Variants in SPON1 observed in about 807,000 individuals in gnomAD.
The protein encoded by SPON1 is spondin-1.
Under a neutral mutation model 111.7 loss-of-function variants are expected in SPON1, and 52 were observed. That is an observed-to-expected ratio of 0.47 (90% CI 0.37 to 0.59). The LOEUF is 0.59. SPON1 is among the 20% of genes least tolerant of loss of function. SPON1 has a pLI of 0.00. For missense variants in SPON1, 957 were observed against 1,068.5 expected (o/e 0.90, Z 1.46); for synonymous variants, 410 against 395.8 (o/e 1.04, Z -0.43).
In SPON1 at chr11:14,255,007, T is replaced by C. The variant is rs574447438; in HGVS notation, c.1092+278T>C. Among the ~76,000 whole-genome samples the C allele has an allele frequency of 6.6e-5, 10 of 152,320 alleles. No homozygotes were observed. The South Asian group carries it at 2.1e-3, about 32-fold the overall frequency. The stretch of plus-strand genomic sequence containing the variant: ...CCATGACTGCAAGAGCGAAGGTTTC[T>C]GGACAGCTGGGCTAAGGAGTTTGCA... On this transcript the variant is annotated intron_variant, in intron 8 of 15. Transcript: ENST00000576479.
chr11:14,011,585 A>G (rs1246214149), intron 2 of SPON1, among the ~76,000 whole-genome samples: 1 of 152,098 alleles, frequency 6.6e-6, no homozygotes, highest in Non-Finnish European at 1.5e-5. Flanking sequence ...CTGCTAAATT[A>G]AGAATTTCCT....
intron 5 of SPON1, among the ~76,000 whole-genome samples, chr11:14,123,404 C>A (rs545213620): frequency 1.3e-5 from 2 of 152,224 alleles, no homozygotes; most frequent in South Asian, 2.1e-4. Context: ...TCTAGAGTAG[C>A]CTTTACTCTA....
At chr11:14,176,455 T>G (rs1253537434) in intron 6 of SPON1, among the ~76,000 whole-genome samples, 2 of 152,080 alleles carry the variant, frequency 1.3e-5, no homozygotes, top group Non-Finnish European at 2.9e-5. Flanking sequence ...GCAATGAGGC[T>G]ACAGGTATCC....
chr11:14,014,292 T>C (rs761560937), intron 2 of SPON1, among the ~76,000 whole-genome samples: 6 of 152,188 alleles, frequency 3.9e-5, no homozygotes, highest in Non-Finnish European at 8.8e-5. Context: ...GGGGTTGTCA[T>C]AGACCAAGGA....
Position 14,167,853 on chromosome 11 carries a change from T to C in SPON1, c.825+32285T>C, listed in dbSNP as rs561607213. Among the ~76,000 whole-genome samples the C allele has an allele frequency of 3.3e-5, 5 of 152,296 alleles. No individual in the cohort carries two copies. In the East Asian group the frequency reaches 7.7e-4, roughly 23 times the overall value. ...TCTTAAATCTTAGCCACCTTGTTTA[T>C]ACCCACAGAATTTTTTCATAAAATT... On this transcript the variant is annotated intron_variant, in intron 6 of 15. Coordinates refer to ENST00000576479, the MANE Select transcript of SPON1 (RefSeq NM_006108.4).
chr11:14,079,447 C>T (rs1413852516), intron 4 of SPON1, among the ~76,000 whole-genome samples: 1 of 152,106 alleles, frequency 6.6e-6, no homozygotes, highest in Non-Finnish European at 1.5e-5. Flanking sequence ...AAAGTCATTC[C>T]TTCTGGTCCT....
Position 14,259,356 on chromosome 11 carries a change from C to T in SPON1, c.1569C>T (p.Ser523=). The T allele has an allele frequency of 1.2e-6, 2 of 1,611,828 alleles. No individual in the cohort carries two copies. Among genetic ancestry groups the T allele is most frequent in the Non-Finnish European group, 1.7e-6 (2 of 1,179,270 alleles). Residue 523 remains serine, a synonymous_variant, in exon 12 of 16, where the codon TCC becomes TCT. Coordinates refer to ENST00000576479, the MANE Select transcript of SPON1 (RefSeq NM_006108.4). The surrounding 1 kb of genome is among the most constrained non-coding windows in gnomAD (Gnocchi z 5.0). ...TCTCCTGCGGCATGGGCATGAGGTC[C>T]CGGGAGAGGTATGTGAAGCAGTTCC... ...CSISCGMGMR[S]RERYVKQFPE...
At chr11:14,132,518 A>G (rs782233647) in intron 5 of SPON1, among the ~76,000 whole-genome samples, 3 of 152,166 alleles carry the variant, frequency 2.0e-5, no homozygotes, top group Non-Finnish European at 4.4e-5. Context: ...TTCTTGTGCT[A>G]TAAAAAACCC....
At chr11:14,050,429 A>G (rs1481356618) in intron 3 of SPON1, among the ~76,000 whole-genome samples, 1 of 152,210 alleles carries the variant, frequency 6.6e-6, no homozygotes, top group Non-Finnish European at 1.5e-5. Context: ...GAGCTCTATC[A>G]AGCTATAGTA....
chr11:14,184,951 G>A (rs541687592), intron 6 of SPON1, among the ~76,000 whole-genome samples: 1 of 152,314 alleles, frequency 6.6e-6, no homozygotes, highest in South Asian at 2.1e-4. Flanking sequence ...AGAGCTCAAA[G>A]TCAGAAGAAG....
chr11:14,243,505 T>C, intron 7 of SPON1, 109 bp downstream of exon 7: 1 of 907,408 alleles, frequency 1.1e-6, no homozygotes, highest in Non-Finnish European at 1.8e-6. Flanking sequence ...TAGCACTACT[T>C]CTCAGTTAAC....
intron 5 of SPON1, among the ~76,000 whole-genome samples, chr11:14,128,622 T>A (rs1175735610): frequency 2.0e-5 from 3 of 152,172 alleles, no homozygotes; most frequent in Non-Finnish European, 4.4e-5. Flanking sequence ...GTCTGAAGGA[T>A]GATGACCCTC....
chr11:14,218,903 G>A lies in SPON1; in HGVS notation c.826-24429G>A, dbSNP rs74571098. Among the ~76,000 whole-genome samples, 209 of 152,260 alleles carry A rather than the reference G, an allele frequency of 1.4e-3. 2 individuals are homozygous for A. In the East Asian group the frequency reaches 0.02, roughly 14 times the overall value. ...TTGGATACAATAACCTTTCTGTTTC[G>A]TGAATTCTGAACAGTGAAGGACTGA... On this transcript the variant is annotated intron_variant, in intron 6 of 15. Transcript: ENST00000576479.
rs189264292 is a variant in SPON1, at chr11:14,249,477, C to A, written c.891-5051C>A. ...AACGTTGCAGGAACCTCCCTCAAAC[C>A]TTTCTCCACACACACCCCTGCAGAA... is the stretch of plus-strand genomic sequence containing the variant. On this transcript the variant is annotated intron_variant, in intron 7 of 15. Transcript: ENST00000576479. Among the ~76,000 whole-genome samples, 1,258 of 152,324 alleles carry A rather than the reference C, an allele frequency of 8.3e-3. 4 individuals carry two copies. Among genetic ancestry groups the A allele is most frequent in the Admixed American group, 0.014 (212 of 15,308 alleles).
At chr11:14,159,956 G>A (rs1554930765) in intron 6 of SPON1, among the ~76,000 whole-genome samples, 3 of 151,982 alleles carry the variant, frequency 2.0e-5, no homozygotes, top group Admixed American at 1.3e-4. Flanking sequence ...TAGTGAGAAC[G>A]AATGAGTACA....
Position 14,113,568 on chromosome 11 carries a change from ATTTTTTTTTTTTTTTTTTTTTT to A in SPON1, c.677-21821_677-21800del, listed in dbSNP as rs782780924. Among the ~76,000 whole-genome samples the A allele has an allele frequency of 4.0e-3, 295 of 74,664 alleles. 17 individuals are homozygous for A. The highest frequency in any genetic ancestry group is 0.014 in the African/African-American group (268 of 18,712). 49.0% of individuals were successfully genotyped at this position (74,664 alleles called of 152,430 possible). On this transcript the variant is annotated intron_variant, in intron 5 of 15. Transcript: ENST00000576479. ...AAGTCACCTCCTATGTACTTTTTAA[ATTTTTTTTTTTTTTTTTTTTTT>A]TTTTTTTTTTTTTTTTTTTTTTTTT...
intron 6 of SPON1, among the ~76,000 whole-genome samples, chr11:14,189,040 G>A (rs1848315591): frequency 6.6e-6 from 1 of 152,190 alleles, no homozygotes; most frequent in South Asian, 2.1e-4. Context: ...ACATAAAAAT[G>A]TTCATATCTT....
chr11:14,106,936 C>T (rs11023092), intron 5 of SPON1, among the ~76,000 whole-genome samples: 1 of 152,136 alleles, frequency 6.6e-6, no homozygotes, highest in Non-Finnish European at 1.5e-5. Flanking sequence ...TGTGTGCTGC[C>T]TGCAGGGAAC....
chr11:14,228,483 G>A lies in SPON1; in HGVS notation c.826-14849G>A, dbSNP rs781795729. Reference sequence around the variant, plus strand: ...GCAGAGGGAGAAGTTGAGCTGTGTCGCAGGCCCAACAAAGACCTCTACCAA... The same window carrying A: ...GCAGAGGGAGAAGTTGAGCTGTGTCACAGGCCCAACAAAGACCTCTACCAA... On this transcript the variant is annotated intron_variant, in intron 6 of 15. Coordinates refer to ENST00000576479, the MANE Select transcript of SPON1 (RefSeq NM_006108.4). This position sits in a 1 kb window ranked among gnomAD's most constrained non-coding sequence, Gnocchi z 4.2. 2.6e-5 allele frequency among the ~76,000 whole-genome samples: 4 copies of A among 152,150 alleles called. No homozygotes were observed. Among genetic ancestry groups the A allele is most frequent in the East Asian group, 3.9e-4 (2 of 5,194 alleles).
Sources: gnomAD v4.1 joint callset for allele counts (sites outside exome capture counted in the v4.1 genomes callset) on GRCh38, gnomAD v4.1.1 for gene constraint, Gnocchi (gnomAD v3.1) non-coding constraint, MANE v1.5 for transcripts, NCBI Gene and HGNC (gene_info 2026-07-23, HGNC 2026-07-21) for gene names.